The following DROSHA variants were observed in gnomAD, a reference collection of about 807,000 sequenced individuals.
DROSHA encodes the protein ribonuclease 3.
In DROSHA, 56 loss-of-function variants were observed where a neutral mutation model predicts 181.9. The ratio of observed to expected loss-of-function variants is 0.31; its 90% CI spans 0.25 to 0.38. DROSHA has a LOEUF of 0.38. DROSHA is among the 10% of genes least tolerant of loss of function. The pLI is 1.00. For synonymous variants in DROSHA, 524 were observed against 591.2 expected, an observed-to-expected ratio of 0.89 and a Z score of 1.65; for missense variants, 1,218 against 1,743.5, an observed-to-expected ratio of 0.70 and a Z score of 5.37.
At chr5:31,441,870 C>T (rs886411355) in intron 23 of DROSHA, among the ~76,000 whole-genome samples, 5 of 152,152 alleles carry the variant, frequency 3.3e-5, no homozygotes, top group African/African-American at 9.7e-5. Context: ...AAGTACTATA[C>T]AGAAAAATCT....
intron 20 of DROSHA, among the ~76,000 whole-genome samples, chr5:31,455,882 T>C (rs1301528520): frequency 6.6e-6 from 1 of 152,192 alleles, no homozygotes; most frequent in Non-Finnish European, 1.5e-5. Flanking sequence ...GCTCAGGTGA[T>C]GCACTTGCCT....
At chr5:31,511,326 C>T (rs1738641509) in intron 8 of DROSHA, 150 bp from the exon 9 acceptor site, 1 of 727,982 alleles carries the variant, frequency 1.4e-6, no homozygotes, top group South Asian at 1.9e-5. Flanking sequence ...ACAAAATGCT[C>T]AAGTACTGGC....
chr5:31,401,211 C>G lies in DROSHA; in HGVS notation c.*221G>C. The G allele has an allele frequency of 1.9e-6, 1 of 513,900 alleles. No homozygotes were observed. Among genetic ancestry groups the G allele is most frequent in the South Asian group, 2.0e-5 (1 of 48,858 alleles). 31.8% of individuals were successfully genotyped at this position (513,900 alleles called of 1,614,324 possible). A position where few individuals can be genotyped will look rare whatever the true frequency, so the allele number is the denominator to read the frequency against. On this transcript the variant is annotated 3_prime_UTR_variant, in exon 36 of 36. Transcript: ENST00000344624. Reference sequence around the variant, plus strand: ...ATAAAAGGAAGTAATGCACATTCACCAAAGTCAAGTTTTCCGTTAAATAGA... The same window carrying G: ...ATAAAAGGAAGTAATGCACATTCACGAAAGTCAAGTTTTCCGTTAAATAGA...
At chr5:31,523,636 T>G (rs1740162687) in intron 5 of DROSHA, among the ~76,000 whole-genome samples, 1 of 152,204 alleles carries the variant, frequency 6.6e-6, no homozygotes, top group South Asian at 2.1e-4. Flanking sequence ...TACAAACTAT[T>G]TACTCTTTCC....
chr5:31,466,361 C>A (rs1191886768), intron 18 of DROSHA, 80 bp from the exon 19 acceptor site: 4 of 1,163,578 alleles, frequency 3.4e-6, no homozygotes, highest in Non-Finnish European at 5.2e-6. Context: ...TTTTAAGAGG[C>A]CTCTTCAAAT....
intron 30 of DROSHA, 45 bp from the exon 31 acceptor site, chr5:31,410,932 T>C (rs771397656): frequency 1.2e-6 from 2 of 1,609,370 alleles, no homozygotes; most frequent in South Asian, 1.1e-5. Context: ...ATTTCACTTT[T>C]GACCTCTCTT....
chr5:31,410,950 G>T, intron 30 of DROSHA, 63 bp from the exon 31 acceptor site: 1 of 1,596,644 alleles, frequency 6.3e-7, no homozygotes. Flanking sequence ...CTTATTCCTG[G>T]GTTGGACCCA....
chr5:31,471,974 T>C, intron 17 of DROSHA, 89 bp downstream of exon 17: 4 of 1,331,804 alleles, frequency 3.0e-6, no homozygotes, highest in Non-Finnish European at 4.0e-6. Context: ...CCTAAAACTT[T>C]TAAAATGTGC....
chr5:31,430,540 AT>A (rs1744049720), intron 26 of DROSHA, among the ~76,000 whole-genome samples: 1 of 152,214 alleles, frequency 6.6e-6, no homozygotes, highest in African/African-American at 2.4e-5. Flanking sequence ...AGGCTCACAG[AT>A]GAGGAAACTG....
intron 22 of DROSHA, 73 bp downstream of exon 22, chr5:31,449,208 G>C: frequency 2.5e-6 from 4 of 1,574,308 alleles, no homozygotes; most frequent in Non-Finnish European, 3.5e-6. Flanking sequence ...ACCATTCCTA[G>C]AGGCGAAATA....
intron 23 of DROSHA, among the ~76,000 whole-genome samples, chr5:31,447,883 G>T (rs536170386): frequency 8.0e-4 from 122 of 152,254 alleles, no homozygotes; most frequent in African/African-American, 2.9e-3. Flanking sequence ...TGAAGACATT[G>T]GATCCCTGCT....
At chr5:31,455,115 A>C (rs1747492609) in intron 20 of DROSHA, among the ~76,000 whole-genome samples, 1 of 152,108 alleles carries the variant, frequency 6.6e-6, no homozygotes, top group African/African-American at 2.4e-5. Context: ...ACTCAGGAAA[A>C]AGAAACATAA....
intron 35 of DROSHA, among the ~76,000 whole-genome samples, chr5:31,404,733 C>T (rs536088831): frequency 2.0e-5 from 3 of 152,224 alleles, no homozygotes; most frequent in Non-Finnish European, 2.9e-5. Context: ...CTTCAACCCA[C>T]GCATCCCACT....
chr5:31,437,192 A>C (rs773596206), intron 24 of DROSHA, 47 bp downstream of exon 24: 22 of 1,528,102 alleles, frequency 1.4e-5, no homozygotes, highest in Middle Eastern at 3.9e-4. Context: ...TGTTACCTAT[A>C]AAATGTAATT....
At chr5:31,524,136 C>T (rs1683987062) in intron 5 of DROSHA, among the ~76,000 whole-genome samples, 1 of 152,182 alleles carries the variant, frequency 6.6e-6, no homozygotes, top group Non-Finnish European at 1.5e-5. Flanking sequence ...AGAAATGAGT[C>T]ATCCCTACAA....
At chr5:31,444,131 G>A (rs1346574114) in intron 23 of DROSHA, among the ~76,000 whole-genome samples, 1 of 152,214 alleles carries the variant, frequency 6.6e-6, no homozygotes, top group Non-Finnish European at 1.5e-5. Context: ...ACGGGGAAGG[G>A]ACAGGGTATG....
intron 6 of DROSHA, among the ~76,000 whole-genome samples, chr5:31,517,344 AT>A (rs1488342595): frequency 3.9e-5 from 6 of 152,196 alleles, no homozygotes; most frequent in Non-Finnish European, 7.3e-5. Context: ...AGATCTTTTT[AT>A]GCTTCCTGCC....
chr5:31,492,513 G>A (rs779877896), intron 13 of DROSHA, among the ~76,000 whole-genome samples: 2 of 152,206 alleles, frequency 1.3e-5, no homozygotes, highest in East Asian at 1.9e-4. Context: ...AATTCAGTAA[G>A]TTCTACAACA....
rs1739846234 is a variant in DROSHA, at chr5:31,521,147, T to C, written c.923A>G (p.Lys308Arg). Residue 308 changes from lysine to arginine, a missense_variant, in exon 6 of 36, where the codon AAA becomes AGA. Coordinates refer to ENST00000344624, the MANE Select transcript of DROSHA (RefSeq NM_001382508.1). The stretch of plus-strand genomic sequence containing the variant: ...CCTTCCAGATCTCTTATACTCTTTT[T>C]TGTAGGACCTTTCCAGAGATGGTGA... ...RRSPSLERSYKKEYKRSGRSY... is the reference protein window; with the variant it reads ...RRSPSLERSYRKEYKRSGRSY... The C allele has an allele frequency of 5.0e-6, 8 of 1,613,622 alleles. No individual in the cohort carries two copies. The highest frequency in any genetic ancestry group is 4.2e-6 in the Non-Finnish European group (5 of 1,179,678).
Sources: allele counts gnomAD v4.1 joint callset (sites outside exome capture counted in the v4.1 genomes callset), GRCh38; gene constraint gnomAD v4.1.1; transcripts MANE v1.5; gene names NCBI Gene and HGNC (gene_info 2026-07-23, HGNC 2026-07-21).